RIF1: variants seen among roughly 807,000 people sequenced by gnomAD.
RIF1 encodes the protein replication timing regulatory factor 1.
A neutral mutation model predicts 247.1 loss-of-function variants in RIF1; 45 were observed. The observed-to-expected ratio is 0.18, with a 90% CI of 0.14 to 0.23. The LOEUF is 0.23. Ranked by LOEUF, RIF1 falls within the 10% of genes least tolerant of loss-of-function variation. RIF1 has a pLI of 1.00. For synonymous variants in RIF1, 1,087 were observed against 978.8 expected, an observed-to-expected ratio of 1.11 and a Z score of -2.06; for missense variants, 2,967 against 2,862.5, an observed-to-expected ratio of 1.04 and a Z score of -0.83.
intron 25 of RIF1, among the ~76,000 whole-genome samples, chr2:151,459,302 G>C (rs2444259): frequency 0.7 from 107,131 of 152,100 alleles, 37,978 homozygotes; most frequent in Middle Eastern, 0.79. Flanking sequence ...GCTGTCACAT[G>C]GCATTAGGAG....
downstream of RIF1, among the ~76,000 whole-genome samples, chr2:151,510,614 A>G (rs111458459): frequency 4.2e-3 from 638 of 152,358 alleles, 5 homozygotes; most frequent in African/African-American, 0.014. Flanking sequence ...TCATGTAACT[A>G]TATAACTTTT....
chr2:151,482,813 T>C (rs1042449152), downstream of RIF1, among the ~76,000 whole-genome samples: 3 of 152,152 alleles, frequency 2.0e-5, no homozygotes, highest in African/African-American at 4.8e-5. Flanking sequence ...GTCTGAGATA[T>C]GGTATCAGCA....
chr2:151,413,349 C>A (rs2152084082), intron 3 of RIF1, among the ~76,000 whole-genome samples: 1 of 152,224 alleles, frequency 6.6e-6, no homozygotes, highest in South Asian at 2.1e-4. Flanking sequence ...AGTCAAGTTG[C>A]ATTGTTCGTA....
chr2:151,533,757 G>T, the RIF1 span, among the ~76,000 whole-genome samples: 1 of 152,186 alleles, frequency 6.6e-6, no homozygotes, highest in Non-Finnish European at 1.5e-5. Flanking sequence ...CTTGTGAATG[G>T]GGAATGATAC....
chr2:151,497,846 G>A (rs541247212), intron 10 of RIF1: 18 of 1,518,358 alleles, frequency 1.2e-5, no homozygotes, highest in East Asian at 2.5e-5. Context: ...AAATGCCACC[G>A]ACTACTTTAG....
At chr2:151,446,966 C>T (rs2432942) in intron 20 of RIF1, among the ~76,000 whole-genome samples, 56,386 of 141,968 alleles carry the variant, frequency 0.4, 11,292 homozygotes, top group African/African-American at 0.43. Flanking sequence ...TTTTTTGAGA[C>T]GGAGTCTCGC....
rs747268722 is a variant in RIF1, at chr2:151,463,357, A to C, written c.3837A>C (p.Lys1279Asn). ...CTTTTTCAAAATCTGATTCTGAAAA[A>C]ATAGTGAATGGAACTAAGAGATCAA... ...EGTFSKSDSEKIVNGTKRSSR... is the reference protein window; with the variant it reads ...EGTFSKSDSENIVNGTKRSSR... The change falls in exon 30 of 36, where the codon AAA becomes AAC. Residue 1279 changes from lysine (K) to asparagine (N), a missense_variant. Physicochemically the swap from Lys to Asn is moderately conservative, Grantham distance 94. Around this residue, in one of 7 missense-constraint regions of RIF1, gnomAD observed 2,028 missense variants for 1,825.6 expected, o/e 1.11. Coordinates refer to ENST00000444746, the MANE Select transcript of RIF1 (RefSeq NM_018151.5). 6.2e-7 allele frequency: 1 copy of C among 1,613,994 alleles called. No homozygotes were observed. Among genetic ancestry groups the C allele is most frequent in the South Asian group, 1.1e-5 (1 of 91,040 alleles).
At chr2:151,507,730 G>A (rs2070465239) in exon 14 of RIF1, 1 of 365,620 alleles carries the variant, frequency 2.7e-6, no homozygotes, top group Admixed American at 4.1e-5. Flanking sequence ...TTGTTACAGG[G>A]GTTTTCGCCA....
At position 151,433,256 on chromosome 2, in the gene RIF1, C is replaced by T. The variant is rs146309961; in HGVS notation, c.1077+28C>T. On this transcript the variant is annotated intron_variant, in intron 10 of 35. Coordinates refer to ENST00000444746, the MANE Select transcript of RIF1 (RefSeq NM_018151.5). ...AACATTACAAGTGTTGACTATAGCACTTTATGTTTTTGTTAATGTGTTCTT... is the reference window on the plus strand; with the variant it reads ...AACATTACAAGTGTTGACTATAGCATTTTATGTTTTTGTTAATGTGTTCTT... The T allele has an allele frequency of 3.0e-4, 468 of 1,557,042 alleles. 1 individual carries two copies. In the African/African-American group the frequency reaches 5.8e-3, roughly 19 times the overall value.
the RIF1 span, chr2:151,526,783 G>T: frequency 2.9e-6 from 2 of 683,344 alleles, no homozygotes; most frequent in Non-Finnish European, 2.6e-6. Flanking sequence ...CACAGGACAG[G>T]CCATAATTCA....
At chr2:151,530,881 A>G in the RIF1 span, 2 of 663,920 alleles carry the variant, frequency 3.0e-6, no homozygotes, top group South Asian at 4.2e-5. Context: ...ATTTTAAGCC[A>G]CTAAGTTTTA....
At chr2:151,437,707 A>G (rs1021467384) in intron 13 of RIF1, among the ~76,000 whole-genome samples, 2 of 152,212 alleles carry the variant, frequency 1.3e-5, no homozygotes, top group Non-Finnish European at 2.9e-5. Flanking sequence ...AAAAATATGA[A>G]GATAAAATAA....
chr2:151,473,006 T>A (rs74346171), intron 34 of RIF1, among the ~76,000 whole-genome samples: 2,432 of 152,204 alleles, frequency 0.016, 38 homozygotes, highest in Non-Finnish European at 0.026. Flanking sequence ...GGTCCTGGAC[T>A]TTTTTTGGTT....
chr2:151,463,889 C>T lies in RIF1; in HGVS notation c.4369C>T (p.His1457Tyr). 1 of 1,613,408 alleles carries T rather than the reference C, an allele frequency of 6.2e-7. No homozygotes were observed. Among genetic ancestry groups the T allele is most frequent in the East Asian group, 2.2e-5 (1 of 44,872 alleles). ...AAAACCTCTTCAGAAGAGTCCATTG[C>T]ATATAAAAGATGATGTGTTACCTAA... ...EEKPLQKSPLHIKDDVLPKQK... is the reference protein window; with the variant it reads ...EEKPLQKSPLYIKDDVLPKQK... The change falls in exon 30 of 36, where the codon CAT (histidine) becomes TAT (tyrosine). Residue 1457 changes from histidine to tyrosine, a missense_variant. His to Tyr is a moderately conservative substitution (Grantham distance 83). Coordinates refer to ENST00000444746, the MANE Select transcript of RIF1 (RefSeq NM_018151.5).
intron 9 of RIF1, among the ~76,000 whole-genome samples, chr2:151,489,757 GTTTT>G (rs372813378): frequency 7.4e-5 from 11 of 147,998 alleles, no homozygotes; most frequent in African/African-American, 2.5e-4. Context: ...CTAGGTTTGG[GTTTT>G]TTTTTTAAGT....
At chr2:151,517,800 T>C in the RIF1 span, among the ~76,000 whole-genome samples, 1 of 152,242 alleles carries the variant, frequency 6.6e-6, no homozygotes, top group African/African-American at 2.4e-5. Flanking sequence ...TTTAAAATGG[T>C]ACACCTGCAT....
At chr2:151,454,797 A>G (rs1185231699) in intron 21 of RIF1, 98 bp from the exon 22 acceptor site, 1 of 830,560 alleles carries the variant, frequency 1.2e-6, no homozygotes, top group Non-Finnish European at 1.8e-6. Context: ...TATTTGATGT[A>G]TCTAACATTT....
In RIF1 at chr2:151,414,908, C is replaced by T. The variant is rs1454780884; in HGVS notation, c.269C>T (p.Ser90Leu). The T allele has an allele frequency of 6.3e-7, 1 of 1,593,552 alleles. No individual in the cohort carries two copies. The highest frequency in any genetic ancestry group is 2.2e-5 in the East Asian group (1 of 44,780). The change falls in exon 4 of 36, where the codon TCA becomes TTA. Residue 90 changes from serine to leucine, a missense_variant. Coordinates refer to ENST00000444746, the MANE Select transcript of RIF1 (RefSeq NM_018151.5). ...GFCLYNPKITSELSEANALEL... is the reference protein window; with the variant it reads ...GFCLYNPKITLELSEANALEL... ...TGCTTATATAATCCCAAAATTACCT[C>T]AGAATTATCAGGTAGATAAATTTCT... is the stretch of plus-strand genomic sequence containing the variant.
Position 151,460,093 on chromosome 2 carries a change from A to G in RIF1, c.3049A>G (p.Lys1017Glu). ...ATTTTTGGCACAAACAAAGAATAAA[A>G]AAGAAAATATGAAACCAGCAGCCAA... ...DSFLAQTKNK[K>E]ENMKPAAKLK... The change falls in exon 26 of 36, where the codon AAA becomes GAA. Residue 1017 changes from lysine to glutamate, a missense_variant. This residue lies in a region of RIF1 where 2,028 missense variants were observed against 1,825.6 expected (regional missense o/e 1.11). Coordinates refer to ENST00000444746, the MANE Select transcript of RIF1 (RefSeq NM_018151.5). 1 of 1,568,374 alleles carries G rather than the reference A, an allele frequency of 6.4e-7. No homozygotes were observed. The highest frequency in any genetic ancestry group is 8.7e-7 in the Non-Finnish European group (1 of 1,153,218).
Sources: allele counts gnomAD v4.1 joint callset (sites outside exome capture counted in the v4.1 genomes callset), GRCh38; gene constraint gnomAD v4.1.1; regional missense constraint gnomAD v4.1.1; transcripts MANE v1.5; gene names NCBI Gene and HGNC (gene_info 2026-07-23, HGNC 2026-07-21).